DNAAF4: variants seen among roughly 807,000 people sequenced by gnomAD.
DNAAF4 encodes dynein assembly factor 4, axonemal.
DNAAF4 carries 43 observed loss-of-function variants against 51.8 expected under a neutral mutation model. The observed-to-expected ratio is 0.83, with a 90% CI of 0.65 to 1.07. The LOEUF (loss-of-function observed/expected upper bound fraction) is 1.07, where lower values mean the gene tolerates loss of function less well. Ranked by LOEUF, DNAAF4 falls within the 50% of genes least tolerant of loss-of-function variation. The probability of loss-of-function intolerance (pLI) is 0.00; values close to 1 mark genes in which losing one functional copy is unlikely to be tolerated. For missense variants in DNAAF4, 581 were observed against 493.0 expected, an observed-to-expected ratio of 1.18 and a Z score of -1.69; for synonymous variants, 194 against 165.6, an observed-to-expected ratio of 1.17 and a Z score of -1.32.
intron 4 of DNAAF4, among the ~76,000 whole-genome samples, chr15:55,482,345 C>T (rs2058423445): frequency 1.3e-5 from 2 of 152,126 alleles, no homozygotes; most frequent in Admixed American, 1.3e-4. Context: ...AATGACCCAG[C>T]AATTCTATTC....
chr15:55,484,171 A>G (rs1379576781), intron 4 of DNAAF4, among the ~76,000 whole-genome samples: 2 of 152,060 alleles, frequency 1.3e-5, no homozygotes, highest in African/African-American at 2.4e-5. Context: ...CATGGAATAC[A>G]GTATGGCAAT....
chr15:55,439,054 T>C (rs1250373704), intron 7 of DNAAF4, among the ~76,000 whole-genome samples: 1 of 152,210 alleles, frequency 6.6e-6, no homozygotes, highest in Non-Finnish European at 1.5e-5. Flanking sequence ...TTGCATTATC[T>C]TTCTCCAACA....
rs140825769 is a variant in DNAAF4 at position 55,503,646 on chromosome 15, T to C, written c.-256+4476A>G. 1.2e-3 allele frequency among the ~76,000 whole-genome samples: 178 copies of C among 152,080 alleles called. 2 individuals are homozygous for C. Among genetic ancestry groups the C allele is most frequent in the African/African-American group, 4.1e-3 (172 of 41,488 alleles). On this transcript the variant is annotated intron_variant, in intron 1 of 9. Coordinates refer to ENST00000321149, the MANE Select transcript of DNAAF4 (RefSeq NM_130810.4). The stretch of plus-strand genomic sequence containing the variant: ...TACGCAAATCAATAAACATAATCCA[T>C]CACATAAACAGAACCAAAGACAAAA...
chr15:55,469,306 G>C (rs999478651), intron 4 of DNAAF4, among the ~76,000 whole-genome samples: 4 of 150,942 alleles, frequency 2.7e-5, no homozygotes, highest in Non-Finnish European at 5.9e-5. Context: ...CTCAAACCTG[G>C]GGGACAAGAG....
chr15:55,501,617 A>C (rs1180069504), intron 1 of DNAAF4, among the ~76,000 whole-genome samples: 211 of 143,088 alleles, frequency 1.5e-3, no homozygotes, highest in Middle Eastern at 9.5e-3. Flanking sequence ...CCTCGTGATC[A>C]ACCCACCTCG....
chr15:55,418,144 G>C, intron 7 of DNAAF4: 1 of 1,570,638 alleles, frequency 6.4e-7, no homozygotes, highest in South Asian at 1.2e-5. Flanking sequence ...CTGAAAAAGG[G>C]AAGTGGGTGG....
At chr15:55,499,236 C>G (rs1037920287) in intron 1 of DNAAF4, among the ~76,000 whole-genome samples, 1 of 152,194 alleles carries the variant, frequency 6.6e-6, no homozygotes, top group African/African-American at 2.4e-5. Flanking sequence ...TGGTCATTTA[C>G]CTACTAGAGG....
intron 1 of DNAAF4, among the ~76,000 whole-genome samples, chr15:55,501,192 T>C (rs1474977504): frequency 6.7e-6 from 1 of 148,304 alleles, no homozygotes; most frequent in African/African-American, 2.5e-5. Context: ...GCCTCCTGAG[T>C]AGCTGGCACT....
rs1472645182 is a variant in DNAAF4 at position 55,497,810 on chromosome 15, T to A, written c.173A>T (p.Asp58Val). ...AATCTTTGCTTTGCTGCTCTCATCG[T>A]CTATGGGAGCATAAAGAAATGCCTC... ...LFEAFLYAPIDDESSKAKIGN... is the reference protein window; with the variant it reads ...LFEAFLYAPIVDESSKAKIGN... The change falls in exon 3 of 10, where the codon GAC becomes GTC. Residue 58 changes from aspartate (D) to valine (V), a missense_variant. By Grantham distance (152) the Asp-to-Val change is radical (BLOSUM62 -3). Coordinates refer to ENST00000321149, the MANE Select transcript of DNAAF4 (RefSeq NM_130810.4). The A allele has an allele frequency of 1.2e-6, 2 of 1,613,824 alleles. No individual in the cohort carries two copies. The highest frequency in any genetic ancestry group is 2.7e-5 in the African/African-American group (2 of 75,022).
At chr15:55,485,496 C>T (rs1485813079) in intron 4 of DNAAF4, among the ~76,000 whole-genome samples, 8 of 152,118 alleles carry the variant, frequency 5.3e-5, no homozygotes, top group Non-Finnish European at 4.4e-5. Context: ...TCAGGCAAAC[C>T]TCTTTCAAAG....
chr15:55,482,451 T>G (rs1353607411), intron 4 of DNAAF4, among the ~76,000 whole-genome samples: 1 of 151,820 alleles, frequency 6.6e-6, no homozygotes, highest in Non-Finnish European at 1.5e-5. Flanking sequence ...CCGAGGTGGG[T>G]GGATCACCTG....
chr15:55,460,796 G>A (rs1284182028), intron 5 of DNAAF4, among the ~76,000 whole-genome samples: 2 of 148,542 alleles, frequency 1.3e-5, no homozygotes, highest in African/African-American at 2.5e-5. Context: ...ACAGAGCCTC[G>A]CTTTGTCACC....
chr15:55,425,412 T>C (rs2057422098), downstream of DNAAF4, among the ~76,000 whole-genome samples: 1 of 152,196 alleles, frequency 6.6e-6, no homozygotes, highest in African/African-American at 2.4e-5. Context: ...ACCACCTTCA[T>C]TACCCAACCT....
intron 6 of DNAAF4, among the ~76,000 whole-genome samples, chr15:55,447,648 C>T (rs1163857651): frequency 6.0e-5 from 9 of 149,590 alleles, no homozygotes; most frequent in South Asian, 4.4e-4. Flanking sequence ...CATGGCGGTG[C>T]GTGCCTGCAA....
chr15:55,465,021 T>C (rs1841868979), intron 5 of DNAAF4, among the ~76,000 whole-genome samples: 1 of 152,106 alleles, frequency 6.6e-6, no homozygotes. Context: ...CGCTAATTAT[T>C]AGGGAAATGC....
chr15:55,498,431 C>T lies in DNAAF4; in HGVS notation c.-102G>A. ...CATGCGCCAGCCCTTCCGGGTCAGG[C>T]CGGCCGGGAGCCCGGCGTTCCCAGC... On this transcript the variant is annotated 5_prime_UTR_variant, in exon 2 of 10. Coordinates refer to ENST00000321149, the MANE Select transcript of DNAAF4 (RefSeq NM_130810.4). The T allele has an allele frequency of 6.7e-7, 1 of 1,490,214 alleles. No individual in the cohort carries two copies. Among genetic ancestry groups the T allele is most frequent in the Non-Finnish European group, 8.9e-7 (1 of 1,122,914 alleles). The allele number at this position is 1,490,214 out of a possible 1,614,324, so 92.3% of individuals were successfully genotyped here. A position where few individuals can be genotyped will look rare whatever the true frequency, so the allele number is the denominator to read the frequency against.
chr15:55,498,166 C>T (rs1321270257), intron 2 of DNAAF4, 41 bp downstream of exon 2: 1 of 1,613,832 alleles, frequency 6.2e-7, no homozygotes, highest in African/African-American at 1.3e-5. Flanking sequence ...AAGCTTCGGA[C>T]CACACCCCCG....
At chr15:55,441,491 G>T (rs1310850124) in intron 6 of DNAAF4, among the ~76,000 whole-genome samples, 1 of 151,852 alleles carries the variant, frequency 6.6e-6, no homozygotes, top group Non-Finnish European at 1.5e-5. Flanking sequence ...GTATACATGT[G>T]CCATGTTGGT....
At chr15:55,421,664 A>G (rs886831057) in intron 7 of DNAAF4, among the ~76,000 whole-genome samples, 3 of 151,956 alleles carry the variant, frequency 2.0e-5, no homozygotes, top group African/African-American at 7.3e-5. Flanking sequence ...AGGCAGGCAG[A>G]TCACCTAAGG....
Sources: gnomAD v4.1 joint callset for allele counts (sites outside exome capture counted in the v4.1 genomes callset) on GRCh38, gnomAD v4.1.1 for gene constraint, MANE v1.5 for transcripts, NCBI Gene and HGNC (gene_info 2026-07-23, HGNC 2026-07-21) for gene names.